The following CPQ variants were observed in gnomAD, a reference collection of about 807,000 sequenced individuals.
CPQ encodes Ser-Met dipeptidase.
CPQ carries 37 observed loss-of-function variants against 45.7 expected under a neutral mutation model. The ratio of observed to expected loss-of-function variants is 0.81; its 90% CI spans 0.62 to 1.07. The LOEUF is 1.07. Among genes scored for constraint, CPQ ranks in the 50% least tolerant of loss-of-function variants. CPQ has a pLI of 0.00. For synonymous variants in CPQ, 186 were observed against 205.8 expected (o/e 0.90, Z 0.82); for missense variants, 537 against 572.9 (o/e 0.94, Z 0.64).
Position 96,962,329 on chromosome 8 carries a change from T to C in CPQ, c.850-3606T>C, listed in dbSNP as rs182597004. Among the ~76,000 whole-genome samples, 463 of 152,260 alleles carry C rather than the reference T, an allele frequency of 3.0e-3. 1 individual carries two copies. Among genetic ancestry groups the C allele is most frequent in the African/African-American group, 9.6e-3 (399 of 41,570 alleles). Reference sequence around the variant, plus strand: ...TCTATACTGCATTTGGAAAAGATGATGGTGAAAAGGAAGTTGGGGGAAAGG... The same window carrying C: ...TCTATACTGCATTTGGAAAAGATGACGGTGAAAAGGAAGTTGGGGGAAAGG... On this transcript the variant is annotated intron_variant, in intron 4 of 7. Coordinates refer to ENST00000220763, the MANE Select transcript of CPQ (RefSeq NM_016134.4).
chr8:96,809,412 A>G (rs185435006), intron 2 of CPQ, among the ~76,000 whole-genome samples: 92 of 152,292 alleles, frequency 6.0e-4, no homozygotes, highest in Non-Finnish European at 1.2e-3. Context: ...CAGCAATAAA[A>G]TGGAACACAT....
rs557129917 is a variant in CPQ, at chr8:96,740,372, TG to T, written c.-34-44488del. On this transcript the variant is annotated intron_variant, in intron 1 of 7. Transcript: ENST00000220763. ...TTAAGGAGGTTTTGGGCTGAGAAGATGGGGTTTTCTAGATATACAATCATGT... is the reference window on the plus strand; with the variant it reads ...TTAAGGAGGTTTTGGGCTGAGAAGATGGGTTTTCTAGATATACAATCATGT... 4.7e-4 allele frequency among the ~76,000 whole-genome samples: 72 copies of T among 152,270 alleles called. 1 individual carries two copies. Among genetic ancestry groups the T allele is most frequent in the Middle Eastern group, 3.4e-3 (1 of 294 alleles).
chr8:96,779,672 T>C (rs761972039), intron 1 of CPQ, among the ~76,000 whole-genome samples: 4 of 152,230 alleles, frequency 2.6e-5, no homozygotes, highest in South Asian at 2.1e-4. Context: ...AGTTAATTAA[T>C]GTTTGCAGAA....
At chr8:96,972,727 C>T (rs1813700418) in intron 5 of CPQ, among the ~76,000 whole-genome samples, 1 of 152,192 alleles carries the variant, frequency 6.6e-6, no homozygotes, top group Non-Finnish European at 1.5e-5. Flanking sequence ...CAGACACTCT[C>T]CAGTACCAGC....
At chr8:96,763,738 T>C (rs1051387968) in intron 1 of CPQ, among the ~76,000 whole-genome samples, 1 of 152,080 alleles carries the variant, frequency 6.6e-6, no homozygotes, top group Non-Finnish European at 1.5e-5. Context: ...TTTGAACAGA[T>C]ACTTCACCAA....
intron 1 of CPQ, among the ~76,000 whole-genome samples, chr8:96,720,285 CTG>C (rs1395476446): frequency 2.6e-5 from 4 of 151,886 alleles, no homozygotes; most frequent in African/African-American, 9.7e-5. Flanking sequence ...TTAAAAAAAA[CTG>C]TGGATCACGT....
At chr8:97,142,891 C>CTGGAAA in intron 7 of CPQ, 129 bp from the exon 8 acceptor site, 1 of 777,728 alleles carries the variant, frequency 1.3e-6, no homozygotes, top group African/African-American at 1.8e-5. Context: ...GCAAGAGAGC[C>CTGGAAA]TGGAAAAGTA....
intron 4 of CPQ, among the ~76,000 whole-genome samples, chr8:96,943,602 G>C (rs561998083): frequency 1.3e-5 from 2 of 152,234 alleles, no homozygotes; most frequent in South Asian, 4.1e-4. Context: ...TAGCAGGCTG[G>C]TCCTCTTGGT....
chr8:97,096,658 T>G (rs1471432292), intron 7 of CPQ, among the ~76,000 whole-genome samples: 2 of 152,138 alleles, frequency 1.3e-5, no homozygotes, highest in Non-Finnish European at 2.9e-5. Flanking sequence ...TGCATGAGAT[T>G]TGAAGGGTAC....
chr8:97,010,081 C>G (rs915256517), intron 5 of CPQ, among the ~76,000 whole-genome samples: 1 of 152,176 alleles, frequency 6.6e-6, no homozygotes, highest in Non-Finnish European at 1.5e-5. Context: ...ACCCTGTCCC[C>G]TGCTGTGATG....
At chr8:96,822,999 C>G (rs1006387571) in intron 2 of CPQ, among the ~76,000 whole-genome samples, 1 of 152,016 alleles carries the variant, frequency 6.6e-6, no homozygotes, top group African/African-American at 2.4e-5. Context: ...GATAACTATG[C>G]ACCAGAGTGT....
intron 1 of CPQ, among the ~76,000 whole-genome samples, chr8:96,762,289 G>C (rs1820590663): frequency 6.6e-6 from 1 of 152,122 alleles, no homozygotes; most frequent in Non-Finnish European, 1.5e-5. Context: ...TAAAGAGCAT[G>C]GATTTGGATG....
intron 1 of CPQ, among the ~76,000 whole-genome samples, chr8:96,736,470 C>T (rs546615612): frequency 6.6e-6 from 1 of 152,326 alleles, no homozygotes; most frequent in East Asian, 1.9e-4. Flanking sequence ...AAAAGTTTTG[C>T]CGTATCATAT....
intron 1 of CPQ, among the ~76,000 whole-genome samples, chr8:96,745,403 T>C (rs1355708968): frequency 2.0e-5 from 3 of 152,208 alleles, no homozygotes; most frequent in African/African-American, 7.2e-5. Flanking sequence ...TAAAGGACTA[T>C]GATATGTGTA....
intron 5 of CPQ, among the ~76,000 whole-genome samples, chr8:97,009,045 C>T (rs1330635796): frequency 6.6e-6 from 1 of 152,186 alleles, no homozygotes; most frequent in Non-Finnish European, 1.5e-5. Context: ...TGTCTGTGCC[C>T]CCTGGCTTTG....
At chr8:96,699,784 T>C (rs1809431521) in intron 1 of CPQ, among the ~76,000 whole-genome samples, 1 of 152,050 alleles carries the variant, frequency 6.6e-6, no homozygotes. Context: ...TATAAATAAC[T>C]GGGGTCAGAC....
chr8:96,907,391 C>T (rs370674455), intron 4 of CPQ, among the ~76,000 whole-genome samples: 15 of 152,086 alleles, frequency 9.9e-5, no homozygotes, highest in Admixed American at 3.9e-4. Flanking sequence ...GCACATAGAA[C>T]TTCCATTCAC....
intron 6 of CPQ, among the ~76,000 whole-genome samples, chr8:97,047,444 G>C (rs964628274): frequency 1.3e-5 from 2 of 152,208 alleles, no homozygotes; most frequent in Admixed American, 6.5e-5. Flanking sequence ...AGGAGAAGTT[G>C]CTTCAAGGTG....
chr8:96,757,429 T>C (rs1250589197), intron 1 of CPQ, among the ~76,000 whole-genome samples: 1 of 150,402 alleles, frequency 6.6e-6, no homozygotes, highest in Non-Finnish European at 1.5e-5. Flanking sequence ...AAGGCATTGC[T>C]TCTTTGTCTT....
Sources: gnomAD v4.1 joint callset for allele counts (sites outside exome capture counted in the v4.1 genomes callset) on GRCh38, gnomAD v4.1.1 for gene constraint, MANE v1.5 for transcripts, NCBI Gene and HGNC (gene_info 2026-07-23, HGNC 2026-07-21) for gene names.